Variants in MAMDC2 observed in about 807,000 individuals in gnomAD.
The protein encoded by MAMDC2 is MAM domain-containing protein 2.
Under a neutral mutation model 89.8 loss-of-function variants are expected in MAMDC2, and 57 were observed. The ratio of observed to expected loss-of-function variants is 0.63; its 90% CI spans 0.51 to 0.79. The LOEUF is 0.79. Ranked by LOEUF, MAMDC2 falls within the 30% of genes least tolerant of loss-of-function variation. MAMDC2 has a pLI of 0.00. For missense variants in MAMDC2, 800 were observed against 820.6 expected (o/e 0.97, Z 0.31); for synonymous variants, 313 against 293.4 (o/e 1.07, Z -0.68).
intron 6 of MAMDC2, among the ~76,000 whole-genome samples, chr9:70,131,116 T>C (rs1261910476): frequency 6.6e-6 from 1 of 152,152 alleles, no homozygotes; most frequent in Non-Finnish European, 1.5e-5. Flanking sequence ...TGTTTCCTGG[T>C]CCATATGGCA....
chr9:70,060,507 A>G (rs1042331359), intron 2 of MAMDC2: 6 of 152,234 alleles, frequency 3.9e-5, no homozygotes, highest in African/African-American at 1.2e-4. Flanking sequence ...GGCACCCCCA[A>G]CTGTCCTTGT....
chr9:70,149,290 C>G (rs1347243159), intron 9 of MAMDC2, among the ~76,000 whole-genome samples: 4 of 151,650 alleles, frequency 2.6e-5, no homozygotes, highest in African/African-American at 9.7e-5. Context: ...CCAGGGAAAG[C>G]AGACCCTGAG....
At chr9:70,113,950 A>T (rs1828576072) in intron 5 of MAMDC2, 1 of 152,132 alleles carries the variant, frequency 6.6e-6, no homozygotes. Context: ...ATATTGAGGT[A>T]ATATACTCAT....
At chr9:70,071,782 T>C (rs1827416232) in intron 2 of MAMDC2, 1 of 151,922 alleles carries the variant, frequency 6.6e-6, no homozygotes, top group Admixed American at 6.6e-5. Context: ...AATTAATAAG[T>C]TGGGGGGCAG....
chr9:70,155,111 A>G (rs974026919), intron 9 of MAMDC2, among the ~76,000 whole-genome samples: 3 of 152,082 alleles, frequency 2.0e-5, no homozygotes, highest in East Asian at 1.9e-4. Context: ...GGTAGCTTTC[A>G]TCTTTACCCC....
chr9:70,132,613 C>T (rs930293037), intron 7 of MAMDC2, among the ~76,000 whole-genome samples: 3 of 151,670 alleles, frequency 2.0e-5, no homozygotes, highest in African/African-American at 4.8e-5. Flanking sequence ...AGTCACAGCT[C>T]ACCACAGCCT....
At chr9:70,196,091 T>G (rs1306073233) in intron 11 of MAMDC2, among the ~76,000 whole-genome samples, 2 of 152,082 alleles carry the variant, frequency 1.3e-5, no homozygotes, top group Non-Finnish European at 2.9e-5. Flanking sequence ...CAAGAGAGCT[T>G]GTGCATGGGA....
chr9:70,172,711 A>G (rs1379417809), intron 11 of MAMDC2: 4 of 152,550 alleles, frequency 2.6e-5, no homozygotes, highest in Non-Finnish European at 5.9e-5. Flanking sequence ...CCTACTGCTG[A>G]CCTCTTTTCT....
chr9:70,079,542 G>A (rs1233755647), intron 2 of MAMDC2, among the ~76,000 whole-genome samples: 2 of 152,232 alleles, frequency 1.3e-5, no homozygotes, highest in Admixed American at 6.5e-5. Context: ...GTGGTCTGCT[G>A]GGGGGTTATG....
At chr9:70,133,051 T>A (rs2030867902) in intron 7 of MAMDC2, among the ~76,000 whole-genome samples, 1 of 152,212 alleles carries the variant, frequency 6.6e-6, no homozygotes, top group Non-Finnish European at 1.5e-5. Context: ...TTGTTTTACT[T>A]CTCTACATTT....
intron 12 of MAMDC2, among the ~76,000 whole-genome samples, chr9:70,224,205 G>A (rs2033610592): frequency 1.9e-5 from 1 of 51,414 alleles, no homozygotes; most frequent in South Asian, 8.8e-4. Flanking sequence ...GTTCTCCAGA[G>A]AAACCGAACC....
At chr9:70,172,475 T>C (rs1294965776) in intron 11 of MAMDC2, 1 of 152,656 alleles carries the variant, frequency 6.6e-6, no homozygotes, top group Non-Finnish European at 1.5e-5. Context: ...CCTCTGCATC[T>C]TACCATTTCT....
rs1055416619 is a variant in MAMDC2 at position 70,146,001 on chromosome 9, C to T, written c.1404+2182C>T. On this transcript the variant is annotated intron_variant, in intron 9 of 13. Coordinates refer to ENST00000377182, the MANE Select transcript of MAMDC2 (RefSeq NM_153267.5). The stretch of plus-strand genomic sequence containing the variant: ...AATGACAAATAGAGACCCAGCTGAG[C>T]CAGTGTTTAGACGGTTAAAATTCAG... Among the ~76,000 whole-genome samples, 3 of 152,146 alleles carry T rather than the reference C, an allele frequency of 2.0e-5. No homozygotes were observed. In the East Asian group the frequency reaches 5.8e-4, roughly 29 times the overall value.
intron 11 of MAMDC2, among the ~76,000 whole-genome samples, chr9:70,183,439 TG>T (rs1439066458): frequency 5.9e-5 from 9 of 152,122 alleles, no homozygotes; most frequent in Admixed American, 3.3e-4. Flanking sequence ...ATACTGACAA[TG>T]GGGTGTTAAA....
intron 9 of MAMDC2, among the ~76,000 whole-genome samples, chr9:70,155,785 A>G (rs1276733507): frequency 6.6e-6 from 1 of 152,186 alleles, no homozygotes; most frequent in East Asian, 1.9e-4. Flanking sequence ...GTTTATCAAC[A>G]GCAAAGTATA....
intron 9 of MAMDC2, among the ~76,000 whole-genome samples, chr9:70,160,623 C>G (rs2118488990): frequency 6.6e-6 from 1 of 151,044 alleles, no homozygotes; most frequent in African/African-American, 2.4e-5. Flanking sequence ...GTCGGAGAAG[C>G]TGTGAGCATT....
chr9:70,092,934 G>A lies in MAMDC2; in HGVS notation c.149-15277G>A, dbSNP rs568038882. Reference sequence around the variant, plus strand: ...GAAATGTGTTTACCTCCACTGCTACGTTTTCTTTTTCAATGGAATATTCTT... The same window carrying A: ...GAAATGTGTTTACCTCCACTGCTACATTTTCTTTTTCAATGGAATATTCTT... On this transcript the variant is annotated intron_variant, in intron 2 of 13. Transcript: ENST00000377182. 8.8e-4 allele frequency among the ~76,000 whole-genome samples: 134 copies of A among 152,096 alleles called. 1 individual carries two copies. The highest frequency in any genetic ancestry group is 3.2e-3 in the African/African-American group (131 of 41,498).
chr9:70,083,644 C>T (rs1031485903), intron 2 of MAMDC2: 3 of 151,902 alleles, frequency 2.0e-5, no homozygotes, highest in Admixed American at 6.6e-5. Context: ...ATTCCATTCC[C>T]TTGGCTGTGT....
At chr9:70,177,229 TAAATA>T (rs561538295) in intron 11 of MAMDC2, among the ~76,000 whole-genome samples, 20 of 152,196 alleles carry the variant, frequency 1.3e-4, no homozygotes, top group African/African-American at 4.8e-4. Flanking sequence ...GGGCCATAAT[TAAATA>T]AAATAAAGGT....
Sources: gnomAD v4.1 joint callset for allele counts (sites outside exome capture counted in the v4.1 genomes callset) on GRCh38, gnomAD v4.1.1 for gene constraint, MANE v1.5 for transcripts, NCBI Gene and HGNC (gene_info 2026-07-23, HGNC 2026-07-21) for gene names.